OSBPL9: variants seen among roughly 807,000 people sequenced by gnomAD.
The protein encoded by OSBPL9 is oxysterol-binding protein-related protein 9.
A neutral mutation model predicts 106.6 loss-of-function variants in OSBPL9; 40 were observed. The ratio of observed to expected loss-of-function variants is 0.38; its 90% confidence interval spans 0.29 to 0.49. The LOEUF is 0.49. Among genes scored for constraint, OSBPL9 ranks in the 20% least tolerant of loss-of-function variants. The pLI is 0.97. For missense variants in OSBPL9, 609 were observed against 887.2 expected (o/e 0.69, Z 3.98); for synonymous variants, 269 against 295.4 (o/e 0.91, Z 0.92).
intron 3 of OSBPL9, among the ~76,000 whole-genome samples, chr1:51,684,046 G>A (rs966433494): frequency 6.6e-6 from 1 of 151,900 alleles, no homozygotes; most frequent in African/African-American, 2.4e-5. Flanking sequence ...CTGTGTCACC[G>A]AGGCTAGAGA....
At chr1:51,714,200 A>T in intron 4 of OSBPL9, 121 bp downstream of exon 4, 1 of 654,774 alleles carries the variant, frequency 1.5e-6, no homozygotes. Flanking sequence ...ATAATTTCTG[A>T]GTTGCTTATT....
At chr1:51,760,456 A>T in intron 9 of OSBPL9, 1 of 454,490 alleles carries the variant, frequency 2.2e-6, no homozygotes, top group Non-Finnish European at 3.6e-6. Context: ...CAGTTTTTCC[A>T]TTTAGCTTTA....
At chr1:51,572,819 G>T (rs972890092), upstream of OSBPL9, among the ~76,000 whole-genome samples, 1 of 152,220 alleles carries the variant, frequency 6.6e-6, no homozygotes, top group African/African-American at 2.4e-5. Context: ...TATTATATTT[G>T]TGGAGAGTTC....
chr1:51,714,620 C>T (rs906529663), intron 4 of OSBPL9, among the ~76,000 whole-genome samples: 2 of 152,194 alleles, frequency 1.3e-5, no homozygotes, highest in Non-Finnish European at 2.9e-5. Flanking sequence ...TCTATTTCTA[C>T]GTTCCACTTT....
intron 3 of OSBPL9, among the ~76,000 whole-genome samples, chr1:51,677,548 A>T (rs1442064720): frequency 1.3e-5 from 2 of 152,038 alleles, no homozygotes; most frequent in Non-Finnish European, 2.9e-5. Flanking sequence ...CTTTACGGAA[A>T]ACTTTTTTTT....
chr1:51,765,667 G>A, intron 11 of OSBPL9, 155 bp from the exon 12 acceptor site: 1 of 561,418 alleles, frequency 1.8e-6, no homozygotes, highest in Non-Finnish European at 3.0e-6. Context: ...TTTCTGTGTG[G>A]AGTTTAAATG....
At chr1:51,772,425 G>T (rs1674133529) in intron 13 of OSBPL9, among the ~76,000 whole-genome samples, 180 bp from the exon 14 acceptor site, 1 of 152,222 alleles carries the variant, frequency 6.6e-6, no homozygotes, top group Admixed American at 6.5e-5. Context: ...TGATTCAGGA[G>T]AATTGCTTGA....
intron 3 of OSBPL9, among the ~76,000 whole-genome samples, chr1:51,711,737 G>A (rs902538836): frequency 6.7e-6 from 1 of 149,032 alleles, no homozygotes; most frequent in Admixed American, 6.6e-5. Context: ...CCCAGACGGG[G>A]TCACGGCCGG....
At chr1:51,754,550 G>A (rs972830861) in intron 8 of OSBPL9, among the ~76,000 whole-genome samples, 2 of 152,116 alleles carry the variant, frequency 1.3e-5, no homozygotes, top group Non-Finnish European at 2.9e-5. Flanking sequence ...CTTAGAATTT[G>A]AGGCTTTAAT....
chr1:51,700,979 A>T (rs960375104), intron 3 of OSBPL9, among the ~76,000 whole-genome samples: 22 of 151,058 alleles, frequency 1.5e-4, no homozygotes, highest in Admixed American at 1.2e-3. Flanking sequence ...CCCTGTTGTC[A>T]CCTGGACTGG....
intron 1 of OSBPL9, among the ~76,000 whole-genome samples, chr1:51,591,064 G>A (rs1456425367): frequency 1.3e-5 from 2 of 151,838 alleles, no homozygotes; most frequent in African/African-American, 4.8e-5. Flanking sequence ...GAATACAGGC[G>A]CCTGCCACCA....
chr1:51,729,054 T>C lies in OSBPL9; in HGVS notation c.318+14975T>C, dbSNP rs78465693. On this transcript the variant is annotated intron_variant, in intron 4 of 23. Transcript: ENST00000428468. The surrounding 1 kb of genome is among the most constrained non-coding windows in gnomAD (Gnocchi z 5.1). ...ATTCCCTGCATTTTGGGTGATTCTC[T>C]GTCGAGGTCCTCTTAAGTCCAGACT... Among the ~76,000 whole-genome samples, 496 of 152,296 alleles carry C rather than the reference T, an allele frequency of 3.3e-3. 2 individuals are homozygous for C. The highest frequency in any genetic ancestry group is 0.011 in the African/African-American group (441 of 41,582).
rs745846927 is a variant in OSBPL9 at position 51,761,915 on chromosome 1, T to C, written c.722T>C (p.Val241Ala). 6.2e-7 allele frequency: 1 copy of C among 1,613,884 alleles called. No individual in the cohort carries two copies. Residue 241 changes from valine to alanine, a missense_variant, in exon 11 of 24, where the codon GTT (valine) becomes GCT (alanine). This residue lies in a region of OSBPL9 where 356 missense variants were observed against 505.8 expected (regional missense o/e 0.70). Transcript: ENST00000428468. ...KSEQRPSSLP[V>A]GPVLATLGHH... ...GAGCAGCGTCCATCTTCCCTACCAG[T>C]TGGACCTGTGTTGGCTACCTTGGGA...
intron 3 of OSBPL9, among the ~76,000 whole-genome samples, chr1:51,701,155 G>C (rs1366215957): frequency 6.6e-6 from 1 of 152,250 alleles, no homozygotes; most frequent in African/African-American, 2.4e-5. Flanking sequence ...GGCCAGGCTG[G>C]TCTCAAACTC....
intron 1 of OSBPL9, among the ~76,000 whole-genome samples, chr1:51,644,241 G>A (rs1280814473): frequency 1.3e-5 from 2 of 152,092 alleles, no homozygotes; most frequent in Non-Finnish European, 2.9e-5. Flanking sequence ...AGATTTGAGA[G>A]CTTTTATGAG....
the OSBPL9 span, among the ~76,000 whole-genome samples, chr1:51,556,654 C>T: frequency 2.6e-5 from 4 of 152,028 alleles, no homozygotes; most frequent in East Asian, 5.8e-4. Context: ...GGCATGGTGG[C>T]GGATGCCTGT....
At chr1:51,572,611 T>C (rs960483208), upstream of OSBPL9, among the ~76,000 whole-genome samples, 4 of 152,154 alleles carry the variant, frequency 2.6e-5, no homozygotes, top group African/African-American at 9.7e-5. Context: ...CAGTAATGAA[T>C]ATAGTCCCTA....
chr1:51,565,028 T>C, the OSBPL9 span, among the ~76,000 whole-genome samples: 11 of 152,188 alleles, frequency 7.2e-5, no homozygotes, highest in East Asian at 1.7e-3. Flanking sequence ...CTTAATTCCC[T>C]TACTACACCT....
intron 4 of OSBPL9, among the ~76,000 whole-genome samples, chr1:51,741,820 C>G (rs1666986798): frequency 6.6e-6 from 1 of 152,098 alleles, no homozygotes; most frequent in Non-Finnish European, 1.5e-5. Context: ...ATAATTTAAA[C>G]TTTAAATGAA....
Sources: allele counts gnomAD v4.1 joint callset (sites outside exome capture counted in the v4.1 genomes callset), GRCh38; gene constraint gnomAD v4.1.1; regional missense constraint gnomAD v4.1.1; non-coding constraint Gnocchi (gnomAD v3.1); transcripts MANE v1.5; gene names NCBI Gene and HGNC (gene_info 2026-07-23, HGNC 2026-07-21).